The following WWOX variants were observed in gnomAD, a reference collection of about 807,000 sequenced individuals.
The protein encoded by WWOX is WW domain-containing oxidoreductase.
Under a neutral mutation model 46.2 loss-of-function variants are expected in WWOX, and 69 were observed. That is an observed-to-expected ratio of 1.49 (90% CI 1.23 to 1.82). The LOEUF is 1.82. WWOX is among the 40% of genes most tolerant of loss of function. The pLI is 0.00. For synonymous variants in WWOX, 359 were observed against 202.6 expected (o/e 1.77, Z -6.56); for missense variants, 919 against 542.6 (o/e 1.69, Z -6.89).
chr16:78,470,066 C>G (rs1202055367), intron 8 of WWOX, among the ~76,000 whole-genome samples: 8 of 152,228 alleles, frequency 5.3e-5, no homozygotes, highest in Admixed American at 4.6e-4. Flanking sequence ...CATAATGACT[C>G]TTGCCAATTA....
chr16:78,112,223 T>C (rs1275781397), intron 3 of WWOX, among the ~76,000 whole-genome samples: 2 of 152,228 alleles, frequency 1.3e-5, no homozygotes, highest in African/African-American at 4.8e-5. Context: ...TTTGGGAGTT[T>C]TATGGTATTT....
At chr16:78,617,745 C>A (rs2046063076) in intron 8 of WWOX, among the ~76,000 whole-genome samples, 1 of 152,192 alleles carries the variant, frequency 6.6e-6, no homozygotes, top group Non-Finnish European at 1.5e-5. Context: ...CTTTTCTGTG[C>A]CATCTTGGGC....
intron 7 of WWOX, among the ~76,000 whole-genome samples, chr16:78,431,738 T>C (rs552672067): frequency 1.3e-5 from 2 of 151,752 alleles, no homozygotes; most frequent in Admixed American, 6.6e-5. Flanking sequence ...CTTTTAGATA[T>C]GGGGGTCTCA....
intron 8 of WWOX, among the ~76,000 whole-genome samples, chr16:78,830,082 A>G (rs1483268614): frequency 1.3e-5 from 2 of 152,154 alleles, no homozygotes; most frequent in Admixed American, 6.5e-5. Flanking sequence ...ACATAGTAAC[A>G]TAGGGAGACC....
chr16:78,542,633 T>C (rs555075969), intron 8 of WWOX, among the ~76,000 whole-genome samples: 10 of 152,292 alleles, frequency 6.6e-5, no homozygotes, highest in African/African-American at 9.6e-5. Context: ...GATTGCGTAA[T>C]GCACCCAGCA....
intron 8 of WWOX, among the ~76,000 whole-genome samples, chr16:78,827,403 G>A (rs1038564196): frequency 6.6e-6 from 1 of 152,114 alleles, no homozygotes; most frequent in African/African-American, 2.4e-5. Context: ...TGGAGCTGGA[G>A]TCTCTGTGGC....
In WWOX at chr16:78,144,460, TATACACAC is replaced by T. The variant is rs1482690685; in HGVS notation, c.410-19719_410-19712del. On this transcript the variant is annotated intron_variant, in intron 4 of 8. Transcript: ENST00000566780. ...ATATATATATATACACATATATATA[TATACACAC>T]ATATATATATATATATATACACACA... 2.1e-4 allele frequency among the ~76,000 whole-genome samples: 7 copies of T among 33,324 alleles called. 1 individual carries two copies. Among genetic ancestry groups the T allele is most frequent in the Admixed American group, 4.9e-4 (1 of 2,040 alleles). The allele number at this position is 33,324 out of a possible 152,430, so 21.9% of individuals were successfully genotyped here.
intron 6 of WWOX, among the ~76,000 whole-genome samples, chr16:78,408,153 T>G (rs1235548413): frequency 1.3e-5 from 2 of 152,110 alleles, no homozygotes; most frequent in African/African-American, 4.8e-5. Flanking sequence ...AAGCTACAAG[T>G]TAAATCCTCG....
intron 7 of WWOX, among the ~76,000 whole-genome samples, chr16:78,428,319 C>G (rs955718336): frequency 6.6e-6 from 1 of 152,164 alleles, no homozygotes; most frequent in Non-Finnish European, 1.5e-5. Flanking sequence ...TGAACATAGT[C>G]GTTTTTCAGG....
At chr16:78,401,765 T>G (rs947545811) in intron 6 of WWOX, among the ~76,000 whole-genome samples, 3 of 152,144 alleles carry the variant, frequency 2.0e-5, no homozygotes, top group Non-Finnish European at 1.5e-5. Flanking sequence ...GATGGTGTGA[T>G]CTTGGCTCAC....
At chr16:78,549,165 C>G (rs1317315895) in intron 8 of WWOX, among the ~76,000 whole-genome samples, 2 of 152,076 alleles carry the variant, frequency 1.3e-5, no homozygotes, top group Admixed American at 6.6e-5. Flanking sequence ...GGAGAGATTG[C>G]CGGTCGTAAA....
intron 8 of WWOX, among the ~76,000 whole-genome samples, chr16:79,125,745 G>T (rs1020085517): frequency 2.0e-5 from 3 of 152,218 alleles, no homozygotes; most frequent in African/African-American, 7.2e-5. Context: ...TTGGGGCAGT[G>T]CCAGGATTTA....
At chr16:78,951,292 C>A (rs1028169100) in intron 8 of WWOX, among the ~76,000 whole-genome samples, 3 of 151,976 alleles carry the variant, frequency 2.0e-5, no homozygotes, top group African/African-American at 7.3e-5. Context: ...GCGCCCATAG[C>A]CTTAATGCTC....
At chr16:79,194,571 G>C (rs1043328822) in intron 8 of WWOX, among the ~76,000 whole-genome samples, 1 of 152,122 alleles carries the variant, frequency 6.6e-6, no homozygotes, top group African/African-American at 2.4e-5. Context: ...AGGCAGCAGT[G>C]TGGGGCCTCA....
chr16:79,074,237 A>T (rs34233224), intron 8 of WWOX, among the ~76,000 whole-genome samples: 5,752 of 148,070 alleles, frequency 0.039, 148 homozygotes, highest in Middle Eastern at 0.089. Context: ...CTATTTTTTT[A>T]AAAAATATAA....
At chr16:79,040,293 G>A (rs1003118480) in intron 8 of WWOX, among the ~76,000 whole-genome samples, 1 of 49,402 alleles carries the variant, frequency 2.0e-5, no homozygotes, top group African/African-American at 8.2e-5. Flanking sequence ...TTTTTTTTTT[G>A]AGACAAGGTC....
chr16:78,484,013 T>C lies in WWOX; in HGVS notation c.1056+51261T>C, dbSNP rs545962821. Among the ~76,000 whole-genome samples the C allele has an allele frequency of 2.0e-5, 3 of 152,322 alleles. No individual in the cohort carries two copies. In the East Asian group the frequency reaches 5.8e-4, roughly 29 times the overall value. Reference sequence around the variant, plus strand: ...TTACCTTACTTTTTAGACATAATTTTTGTTTTCTGTTAAAGGGTCAGTTAT... The same window carrying C: ...TTACCTTACTTTTTAGACATAATTTCTGTTTTCTGTTAAAGGGTCAGTTAT... On this transcript the variant is annotated intron_variant, in intron 8 of 8. Coordinates refer to ENST00000566780, the MANE Select transcript of WWOX (RefSeq NM_016373.4).
At chr16:78,452,705 A>G (rs926280896) in intron 8 of WWOX, among the ~76,000 whole-genome samples, 16 of 150,342 alleles carry the variant, frequency 1.1e-4, no homozygotes, top group Non-Finnish European at 1.9e-4. Flanking sequence ...CGAATTCCTG[A>G]CCTCCATGTG....
chr16:78,847,432 C>G (rs916298648), intron 8 of WWOX, among the ~76,000 whole-genome samples: 4 of 152,112 alleles, frequency 2.6e-5, no homozygotes, highest in African/African-American at 9.7e-5. Flanking sequence ...TATATGTACA[C>G]TTTAATGTGT....
Sources: gnomAD v4.1 joint callset for allele counts (sites outside exome capture counted in the v4.1 genomes callset) on GRCh38, gnomAD v4.1.1 for gene constraint, MANE v1.5 for transcripts, NCBI Gene and HGNC (gene_info 2026-07-23, HGNC 2026-07-21) for gene names.